ADAMTS2: variants seen among roughly 807,000 people sequenced by gnomAD.
ADAMTS2 encodes ADAM metallopeptidase with thrombospondin type 1 motif 2, also known as A disintegrin and metalloproteinase with thrombospondin motifs 2.
ADAMTS2 carries 50 observed loss-of-function variants against 123.0 expected under a neutral mutation model. That is an observed-to-expected ratio of 0.41 (90% CI 0.32 to 0.51). The LOEUF (loss-of-function observed/expected upper bound fraction) is 0.51, where lower values mean the gene tolerates loss of function less well. ADAMTS2 is among the 20% of genes least tolerant of loss of function. ADAMTS2 has a pLI of 0.35. For synonymous variants in ADAMTS2, 678 were observed against 695.4 expected (o/e 0.98, Z 0.39); for missense variants, 1,494 against 1,705.2 (o/e 0.88, Z 2.18).
At chr5:179,207,866 A>G (rs1218758496) in intron 3 of ADAMTS2, 151 bp from the exon 4 acceptor site, 3 of 754,686 alleles carry the variant, frequency 4.0e-6, no homozygotes, top group Non-Finnish European at 6.7e-6. Flanking sequence ...CGAGGTGCAG[A>G]GGAAGATGGC....
At chr5:179,328,857 T>C (rs1757382206) in intron 2 of ADAMTS2, among the ~76,000 whole-genome samples, 1 of 152,192 alleles carries the variant, frequency 6.6e-6, no homozygotes. Context: ...GTGAGAAAAT[T>C]AAACATCATG....
At chr5:179,223,859 A>G (rs888075822) in intron 3 of ADAMTS2, among the ~76,000 whole-genome samples, 5 of 152,244 alleles carry the variant, frequency 3.3e-5, no homozygotes, top group Admixed American at 6.5e-5. Flanking sequence ...AAACGTGCAC[A>G]TGCACACACA....
rs544979194 is a variant in ADAMTS2, at chr5:179,229,555, G to A, written c.689-21840C>T. Among the ~76,000 whole-genome samples the A allele has an allele frequency of 1.5e-4, 23 of 152,272 alleles. No homozygotes were observed. In the South Asian group the frequency reaches 4.8e-3, roughly 32 times the overall value. On this transcript the variant is annotated intron_variant, in intron 3 of 21. Coordinates refer to ENST00000251582, the MANE Select transcript of ADAMTS2 (RefSeq NM_014244.5). ...GCATCCAGCCTTCCCCGGCCCCCAG[G>A]CCCCCAGCTGCCACCAAGAAACACT...
At chr5:179,289,277 T>C (rs1329142657) in intron 2 of ADAMTS2, among the ~76,000 whole-genome samples, 1 of 152,068 alleles carries the variant, frequency 6.6e-6, no homozygotes, top group Non-Finnish European at 1.5e-5. Flanking sequence ...TAATAAATGA[T>C]AGTAATAGGT....
At chr5:179,152,282 GGTCC>G (rs1314105772) in intron 9 of ADAMTS2, 27 bp from the exon 10 acceptor site, 1 of 1,609,842 alleles carries the variant, frequency 6.2e-7, no homozygotes, top group East Asian at 2.2e-5. Context: ...TAGCTTGCCA[GGTCC>G]CTCCCACCTC....
chr5:179,302,852 G>A (rs560159011), intron 2 of ADAMTS2, among the ~76,000 whole-genome samples: 28 of 151,734 alleles, frequency 1.8e-4, no homozygotes, highest in South Asian at 1.0e-3. Context: ...CAGAGGACCC[G>A]AGGTCAGAAC....
In ADAMTS2 at chr5:179,272,888, C is replaced by A. The variant is rs1301270066; in HGVS notation, c.688+23G>T. 1.9e-6 allele frequency: 3 copies of A among 1,604,236 alleles called. No individual in the cohort carries two copies. Among genetic ancestry groups the A allele is most frequent in the Non-Finnish European group, 2.5e-6 (3 of 1,178,620 alleles). On this transcript the variant is annotated intron_variant, in intron 3 of 21. Transcript: ENST00000251582. This position sits in a 1 kb window ranked among gnomAD's most constrained non-coding sequence, Gnocchi z 5.8. ...GGCCTCAGAGGGCTCTCCACACAGC[C>A]TGCCCACCTGCAGTAGCCTCACCTG...
intron 3 of ADAMTS2, among the ~76,000 whole-genome samples, chr5:179,218,325 G>A (rs540239806): frequency 2.0e-5 from 3 of 152,290 alleles, no homozygotes; most frequent in African/African-American, 4.8e-5. Flanking sequence ...AGAGAGAGTC[G>A]CTCTGTGGCT....
At chr5:179,153,463 G>A in intron 9 of ADAMTS2, 28 bp downstream of exon 9, 3 of 1,604,232 alleles carry the variant, frequency 1.9e-6, no homozygotes, top group Non-Finnish European at 2.5e-6. Flanking sequence ...GACCTGGGAG[G>A]GTCCCGGCTG....
Position 179,256,030 on chromosome 5 carries a change from T to C in ADAMTS2, c.688+16881A>G, listed in dbSNP as rs144874336. Among the ~76,000 whole-genome samples, 2 of 152,318 alleles carry C rather than the reference T, an allele frequency of 1.3e-5. No homozygotes were observed. The highest frequency in any genetic ancestry group is 4.8e-5 in the African/African-American group (2 of 41,568). On this transcript the variant is annotated intron_variant, in intron 3 of 21. Transcript: ENST00000251582. The surrounding 1 kb of genome is among the most constrained non-coding windows in gnomAD (Gnocchi z 4.1). ...CATGGGCAGGTACCCACCAGTCTCC[T>C]TCTCTGTCCCCAGCCTCTCCCGCAG...
chr5:179,329,864 C>T (rs1048071108), intron 2 of ADAMTS2, among the ~76,000 whole-genome samples: 2 of 152,100 alleles, frequency 1.3e-5, no homozygotes, highest in African/African-American at 4.8e-5. Context: ...TGGTGGCTCA[C>T]GCCTGTAATC....
chr5:179,345,263 C>CAGG lies in ADAMTS2; in HGVS notation c.65_66insCCT (p.Leu23dup), dbSNP rs985083367. ...GCGGCGGCAGGAGCGGCGGCGGCAG[C>CAGG]AGCAGCAGCAGCAGCAGCAGCGCGG... On this transcript the variant is annotated inframe_insertion, in exon 1 of 22. Transcript: ENST00000251582. The surrounding 1 kb of genome is among the most constrained non-coding windows in gnomAD (Gnocchi z 7.5). The CAGG allele has an allele frequency of 6.1e-6, 7 of 1,142,964 alleles. No individual in the cohort carries two copies. In the African/African-American group the frequency reaches 9.9e-5, roughly 16 times the overall value. 70.8% of individuals were successfully genotyped at this position (1,142,964 alleles called of 1,614,324 possible). A position where few individuals can be genotyped will look rare whatever the true frequency, so the allele number is the denominator to read the frequency against.
chr5:179,267,685 G>C lies in ADAMTS2; in HGVS notation c.688+5226C>G, dbSNP rs1271575090. Reference sequence around the variant, plus strand: ...GGTAGCCAATGGGGGACCGTGTTTTGTTTGGTCTATATAGTGAGCACGGGA... The same window carrying C: ...GGTAGCCAATGGGGGACCGTGTTTTCTTTGGTCTATATAGTGAGCACGGGA... On this transcript the variant is annotated intron_variant, in intron 3 of 21. Transcript: ENST00000251582. Among the ~76,000 whole-genome samples, 5 of 152,216 alleles carry C rather than the reference G, an allele frequency of 3.3e-5. No individual in the cohort carries two copies. The South Asian group carries it at 1.0e-3, about 31-fold the overall frequency.
At position 179,137,848 on chromosome 5, in the gene ADAMTS2, C is replaced by A; in HGVS notation, c.1872G>T (p.Glu624Asp). ...ACAGGTCCCACTGGCGGCACTGCTC[C>A]TCGCGGAAGTCAGCCAGGGAGTCGG... ...DCPDSLADFR[E>D]EQCRQWDLYF... is the part of the protein sequence containing the mutation. Residue 624 changes from glutamate (E) to aspartate (D), a missense_variant, in exon 12 of 22, where the codon GAG (glutamate) becomes GAT (aspartate). This residue lies in a region of ADAMTS2 where 953 missense variants were observed against 1,124.7 expected (regional missense o/e 0.85). Coordinates refer to ENST00000251582, the MANE Select transcript of ADAMTS2 (RefSeq NM_014244.5). 1 of 1,568,110 alleles carries A rather than the reference C, an allele frequency of 6.4e-7. No individual in the cohort carries two copies. The highest frequency in any genetic ancestry group is 1.4e-5 in the African/African-American group (1 of 73,854).
chr5:179,336,895 G>C lies in ADAMTS2; in HGVS notation c.534+6872C>G, dbSNP rs554245568. 1.2e-3 allele frequency among the ~76,000 whole-genome samples: 178 copies of C among 152,294 alleles called. 1 individual carries two copies. Among genetic ancestry groups the C allele is most frequent in the African/African-American group, 4.1e-3 (169 of 41,568 alleles). On this transcript the variant is annotated intron_variant, in intron 2 of 21. Coordinates refer to ENST00000251582, the MANE Select transcript of ADAMTS2 (RefSeq NM_014244.5). ...CCCGTGAAATGCACAAGGCAGGGTG[G>C]GGATGGCGTAGAGCCTGCCTGGCTT...
At chr5:179,270,040 G>A (rs940348755) in intron 3 of ADAMTS2, among the ~76,000 whole-genome samples, 7 of 152,186 alleles carry the variant, frequency 4.6e-5, no homozygotes, top group Admixed American at 1.3e-4. Context: ...ATCCTCTCCC[G>A]GGTGTTGCCT....
chr5:179,276,492 G>A (rs574806245), intron 2 of ADAMTS2, among the ~76,000 whole-genome samples: 4 of 152,294 alleles, frequency 2.6e-5, no homozygotes, highest in South Asian at 4.1e-4. Context: ...CTCCCCAAGC[G>A]TCCAGTGACT....
chr5:179,227,629 C>T (rs1453693924), intron 3 of ADAMTS2, among the ~76,000 whole-genome samples: 1 of 152,098 alleles, frequency 6.6e-6, no homozygotes, highest in East Asian at 1.9e-4. Flanking sequence ...TCTAGGACTG[C>T]AGGGCCCAGA....
intron 2 of ADAMTS2, among the ~76,000 whole-genome samples, chr5:179,276,059 G>C (rs1254052888): frequency 1.3e-5 from 2 of 152,112 alleles, no homozygotes; most frequent in Admixed American, 6.5e-5. Flanking sequence ...AGCGGAAGAG[G>C]GGGTGGGAAC....
Sources: gnomAD v4.1 joint callset for allele counts (sites outside exome capture counted in the v4.1 genomes callset) on GRCh38, gnomAD v4.1.1 for gene constraint, gnomAD v4.1.1 regional missense constraint, Gnocchi (gnomAD v3.1) non-coding constraint, MANE v1.5 for transcripts, NCBI Gene and HGNC (gene_info 2026-07-23, HGNC 2026-07-21) for gene names.